PRKD3: variants seen among roughly 807,000 people sequenced by gnomAD.
PRKD3 encodes protein kinase D3.
Under a neutral mutation model 99.2 loss-of-function variants are expected in PRKD3, and 47 were observed. The ratio of observed to expected loss-of-function variants is 0.47; its 90% CI spans 0.38 to 0.60. The LOEUF is 0.60. PRKD3 is among the 20% of genes least tolerant of loss of function. The pLI is 0.00. For synonymous variants in PRKD3, 392 were observed against 355.4 expected (o/e 1.10, Z -1.16); for missense variants, 1,019 against 1,088.4 (o/e 0.94, Z 0.90).
intron 14 of PRKD3, among the ~76,000 whole-genome samples, chr2:37,263,500 G>A (rs1668620025): frequency 6.6e-6 from 1 of 152,076 alleles, no homozygotes; most frequent in East Asian, 1.9e-4. Context: ...CATTTCTCAT[G>A]GACTACTGAT....
rs1467210536 is a variant in PRKD3, at chr2:37,251,579, G to A, written c.*1598C>T. ...ACAGGAGACTAGCTTCAGGGATGTC[G>A]AAAGGCCTTCTCAGTCTGTTCATGT... is the stretch of plus-strand genomic sequence containing the variant. On this transcript the variant is annotated 3_prime_UTR_variant, in exon 19 of 19. Coordinates refer to ENST00000234179, the MANE Select transcript of PRKD3 (RefSeq NM_005813.6). The A allele has an allele frequency of 2.6e-5, 4 of 152,070 alleles. No homozygotes were observed. The highest frequency in any genetic ancestry group is 4.8e-5 in the African/African-American group (2 of 41,314). The allele number at this position is 152,070 out of a possible 1,614,324, so 9.4% of individuals were successfully genotyped here.
intron 2 of PRKD3, among the ~76,000 whole-genome samples, chr2:37,313,302 TAC>T (rs1466070345): frequency 6.7e-6 from 1 of 149,084 alleles, no homozygotes; most frequent in Non-Finnish European, 1.5e-5. Flanking sequence ...GGCTTATGGA[TAC>T]AGATTGCTGA....
At chr2:37,274,771 G>C (rs1572647717) in intron 10 of PRKD3, 74 bp from the exon 11 acceptor site, 5 of 1,378,660 alleles carry the variant, frequency 3.6e-6, no homozygotes, top group African/African-American at 1.5e-5. Context: ...TAAAGAACCA[G>C]AGATATGCAT....
chr2:37,316,861 C>T lies in PRKD3; in HGVS notation c.-337G>A. The T allele has an allele frequency of 9.5e-7, 1 of 1,052,344 alleles. No individual in the cohort carries two copies. The highest frequency in any genetic ancestry group is 1.1e-6 in the Non-Finnish European group (1 of 873,132). The allele number at this position is 1,052,344 out of a possible 1,614,324, so 65.2% of individuals were successfully genotyped here. On this transcript the variant is annotated 5_prime_UTR_variant, in exon 2 of 19. Transcript: ENST00000234179. Reference sequence around the variant, plus strand: ...TTTACGAATCTATTTTCCTTTCAGTCTGTACTTGTCTCTTTAATTTCAGGA... The same window carrying T: ...TTTACGAATCTATTTTCCTTTCAGTTTGTACTTGTCTCTTTAATTTCAGGA...
chr2:37,274,378 G>A (rs1669453643), intron 11 of PRKD3, 43 bp downstream of exon 11: 1 of 1,603,688 alleles, frequency 6.2e-7, no homozygotes, highest in Non-Finnish European at 8.5e-7. Flanking sequence ...AAATGCTTAA[G>A]AATTAAAGAG....
Position 37,316,949 on chromosome 2 carries a change from T to A in PRKD3, c.-425A>T, listed in dbSNP as rs1254197272. On this transcript the variant is annotated 5_prime_UTR_variant, in exon 2 of 19. Coordinates refer to ENST00000234179, the MANE Select transcript of PRKD3 (RefSeq NM_005813.6). ...GAAATCCTCTTCGTTTAAAAAACAGTAAGTGTTTTGGATTAATCTATTCAG... is the reference window on the plus strand; with the variant it reads ...GAAATCCTCTTCGTTTAAAAAACAGAAAGTGTTTTGGATTAATCTATTCAG... 6 of 998,818 alleles carry A rather than the reference T, an allele frequency of 6.0e-6. No homozygotes were observed. Among genetic ancestry groups the A allele is most frequent in the Non-Finnish European group, 7.2e-6 (6 of 838,788 alleles). The allele number at this position is 998,818 out of a possible 1,614,324, so 61.9% of individuals were successfully genotyped here.
chr2:37,253,586 T>C lies in PRKD3; in HGVS notation c.2500-236A>G, dbSNP rs538986794. ...AATGAACGTAACTAATTTCTGAAATTAAAAAAAATTTGCTTCAGGCTTCTT... is the reference window on the plus strand; with the variant it reads ...AATGAACGTAACTAATTTCTGAAATCAAAAAAAATTTGCTTCAGGCTTCTT... On this transcript the variant is annotated intron_variant, in intron 18 of 18. Transcript: ENST00000234179. 1.8e-3 allele frequency among the ~76,000 whole-genome samples: 271 copies of C among 152,164 alleles called. 2 individuals carry two copies. Among genetic ancestry groups the C allele is most frequent in the African/African-American group, 6.4e-3 (266 of 41,530 alleles).
chr2:37,282,774 A>AC (rs541241864), intron 6 of PRKD3, among the ~76,000 whole-genome samples, 155 bp from the exon 7 acceptor site: 200 of 151,744 alleles, frequency 1.3e-3, no homozygotes, highest in Non-Finnish European at 2.0e-3. Context: ...ACCCCTCTGC[A>AC]CCCCCCCATC....
At chr2:37,267,899 A>T (rs1668952131) in intron 13 of PRKD3, 1 of 215,222 alleles carries the variant, frequency 4.6e-6, no homozygotes, top group Admixed American at 5.9e-5. Context: ...TTCTAGATTC[A>T]ATGAGTCAGC....
intron 13 of PRKD3, chr2:37,269,053 A>G (rs996607017): frequency 2.0e-5 from 3 of 153,814 alleles, no homozygotes; most frequent in African/African-American, 4.8e-5. Flanking sequence ...CTTTCTTAGT[A>G]CCTTTACATA....
At chr2:37,260,629 G>A (rs1408798643) in intron 14 of PRKD3, among the ~76,000 whole-genome samples, 1 of 152,138 alleles carries the variant, frequency 6.6e-6, no homozygotes, top group Non-Finnish European at 1.5e-5. Context: ...AATCACTCTT[G>A]TCCATTACTA....
intron 12 of PRKD3, among the ~76,000 whole-genome samples, chr2:37,270,895 T>C (rs1328846434): frequency 6.6e-6 from 1 of 152,178 alleles, no homozygotes; most frequent in South Asian, 2.1e-4. Flanking sequence ...TCTGAATCCT[T>C]TTCCCCCATG....
At chr2:37,258,583 T>C (rs1427669567) in intron 16 of PRKD3, among the ~76,000 whole-genome samples, 1 of 152,206 alleles carries the variant, frequency 6.6e-6, no homozygotes, top group African/African-American at 2.4e-5. Flanking sequence ...AGTAGGAGTG[T>C]GCATCTTTTG....
At chr2:37,262,902 C>CCA (rs75287527) in intron 14 of PRKD3, among the ~76,000 whole-genome samples, 1 of 151,460 alleles carries the variant, frequency 6.6e-6, no homozygotes, top group African/African-American at 2.4e-5. Flanking sequence ...CCTTCCCCCC[C>CCA]CCGTATTTGT....
At position 37,277,854 on chromosome 2, in the gene PRKD3, T is replaced by C; in HGVS notation, c.1296+12A>G. ...GTCTTACTAGCATATTCAAATGTAT[T>C]TGATTACTGACCAGGTTATCCCTGC... On this transcript the variant is annotated intron_variant, in intron 9 of 18. Transcript: ENST00000234179. 1 of 1,609,476 alleles carries C rather than the reference T, an allele frequency of 6.2e-7. No homozygotes were observed. The highest frequency in any genetic ancestry group is 8.5e-7 in the Non-Finnish European group (1 of 1,178,382).
intron 1 of PRKD3, among the ~76,000 whole-genome samples, chr2:37,321,695 A>G (rs1671890950): frequency 6.6e-6 from 1 of 152,220 alleles, no homozygotes; most frequent in Non-Finnish European, 1.5e-5. Flanking sequence ...ACATTCATAC[A>G]AACAGCTGGG....
chr2:37,284,379 T>C (rs1558553052), intron 6 of PRKD3, among the ~76,000 whole-genome samples: 1 of 152,180 alleles, frequency 6.6e-6, no homozygotes, highest in Non-Finnish European at 1.5e-5. Flanking sequence ...AATAATCCAG[T>C]AGCAGAATTA....
intron 2 of PRKD3, among the ~76,000 whole-genome samples, chr2:37,303,271 G>C (rs776516323): frequency 6.6e-6 from 1 of 152,052 alleles, no homozygotes; most frequent in Non-Finnish European, 1.5e-5. Flanking sequence ...CATCCTTCAA[G>C]TGTCTGGGGG....
Position 37,316,807 on chromosome 2 carries a change from C to T in PRKD3, c.-283G>A. 8.1e-7 allele frequency: 1 copy of T among 1,241,758 alleles called. No individual in the cohort carries two copies. Among genetic ancestry groups the T allele is most frequent in the African/African-American group, 1.5e-5 (1 of 65,098 alleles). 76.9% of individuals were successfully genotyped at this position (1,241,758 alleles called of 1,614,324 possible). A position where few individuals can be genotyped will look rare whatever the true frequency, so the allele number is the denominator to read the frequency against. ...AAAGGATTTAACATCACTGAGCTAT[C>T]CTCAGCAGGATAGAGTTGACGTAGC... On this transcript the variant is annotated 5_prime_UTR_variant, in exon 2 of 19. Coordinates refer to ENST00000234179, the MANE Select transcript of PRKD3 (RefSeq NM_005813.6).
Sources: allele counts gnomAD v4.1 joint callset (sites outside exome capture counted in the v4.1 genomes callset), GRCh38; gene constraint gnomAD v4.1.1; transcripts MANE v1.5; gene names NCBI Gene and HGNC (gene_info 2026-07-23, HGNC 2026-07-21).